Variants in NCOA2 observed in about 807,000 individuals in gnomAD.
The protein encoded by NCOA2 is nuclear receptor coactivator 2.
In NCOA2, 21 loss-of-function variants were observed where a neutral mutation model predicts 145.1. That is an observed-to-expected ratio of 0.14 (90% CI 0.10 to 0.21). The LOEUF (loss-of-function observed/expected upper bound fraction) is 0.21, where lower values mean the gene tolerates loss of function less well. Ranked by LOEUF, NCOA2 falls within the 10% of genes least tolerant of loss-of-function variation. NCOA2 has a pLI of 1.00. For missense variants in NCOA2, 1,472 were observed against 1,837.6 expected (o/e 0.80, Z 3.64); for synonymous variants, 619 against 637.5 (o/e 0.97, Z 0.44).
rs372363000 is a variant in NCOA2, at chr8:70,170,169, G to A, written c.541+33C>T. On this transcript the variant is annotated intron_variant, in intron 6 of 22. Transcript: ENST00000452400. The stretch of plus-strand genomic sequence containing the variant: ...TGAGGCAGGGCAGGTGGGGGTGACG[G>A]GAGGTAGGGAGGGAGACCCAGCAGA... 5.6e-6 allele frequency: 9 copies of A among 1,602,402 alleles called. No homozygotes were observed. In the African/African-American group the frequency reaches 1.1e-4, roughly 19 times the overall value.
chr8:70,392,066 A>G (rs1170868021), intron 1 of NCOA2, among the ~76,000 whole-genome samples: 1 of 152,216 alleles, frequency 6.6e-6, no homozygotes, highest in Non-Finnish European at 1.5e-5. Flanking sequence ...AAATTTATAC[A>G]GGGATTCACT....
chr8:70,184,517 G>A (rs144950697), intron 4 of NCOA2, among the ~76,000 whole-genome samples: 53 of 152,240 alleles, frequency 3.5e-4, no homozygotes, highest in African/African-American at 1.3e-3. Context: ...GTTAACAGCT[G>A]ATAGAGGAAA....
chr8:70,279,827 C>T (rs1041769519), intron 2 of NCOA2, among the ~76,000 whole-genome samples: 4 of 152,222 alleles, frequency 2.6e-5, no homozygotes, highest in South Asian at 4.1e-4. Context: ...TCTGCCATGA[C>T]GTAAGGTCCT....
the NCOA2 span, among the ~76,000 whole-genome samples, chr8:70,437,264 C>G: frequency 6.6e-6 from 1 of 152,216 alleles, no homozygotes; most frequent in African/African-American, 2.4e-5. Flanking sequence ...AGATCAAATC[C>G]TCTCACACAG....
chr8:70,111,897 T>A lies in NCOA2; in HGVS notation c.*1735A>T, dbSNP rs1806572128. 1 of 221,608 alleles carries A rather than the reference T, an allele frequency of 4.5e-6. No individual in the cohort carries two copies. The highest frequency in any genetic ancestry group is 9.0e-6 in the Non-Finnish European group (1 of 110,836). The allele number at this position is 221,608 out of a possible 1,614,324, so 13.7% of individuals were successfully genotyped here. ...TTTTTAGACATCAAAAAGATATCAT[T>A]CTGAAATTTAGGTAAGAAAGGTATT... On this transcript the variant is annotated 3_prime_UTR_variant, in exon 23 of 23. Coordinates refer to ENST00000452400, the MANE Select transcript of NCOA2 (RefSeq NM_006540.4).
chr8:70,147,048 T>C (rs1212748395), intron 12 of NCOA2, among the ~76,000 whole-genome samples: 6 of 152,142 alleles, frequency 3.9e-5, no homozygotes, highest in Non-Finnish European at 5.9e-5. Context: ...TCTCCCATGA[T>C]CCACAATTAA....
intron 1 of NCOA2, among the ~76,000 whole-genome samples, chr8:70,389,616 C>G (rs1310254810): frequency 6.6e-6 from 1 of 151,348 alleles, no homozygotes; most frequent in Non-Finnish European, 1.5e-5. Context: ...ACAATACATA[C>G]AGAATGACAA....
Position 70,156,351 on chromosome 8 carries a change from A to G in NCOA2, c.2014T>C (p.Leu672=), listed in dbSNP as rs1812288622. 1 of 1,613,902 alleles carries G rather than the reference A, an allele frequency of 6.2e-7. No individual in the cohort carries two copies. Among genetic ancestry groups the G allele is most frequent in the Non-Finnish European group, 8.5e-7 (1 of 1,179,866 alleles). The change falls in exon 11 of 23, where the codon TTG becomes CTG. Residue 672 remains leucine (L), a synonymous_variant. Coordinates refer to ENST00000452400, the MANE Select transcript of NCOA2 (RefSeq NM_006540.4). ...CCATGTGTAGACCCAGAACCAGGCA[A>G]GCTACCTGTGGAGTCTTTGTTTGTA... ...SDTNKDSTGS[L]PGSGSTHGTS...
rs1806659825 is a variant in NCOA2 at position 70,112,820 on chromosome 8, G to A, written c.*812C>T. 1.4e-5 allele frequency: 3 copies of A among 208,754 alleles called. No individual in the cohort carries two copies. Among genetic ancestry groups the A allele is most frequent in the African/African-American group, 6.8e-5 (3 of 43,886 alleles). 12.9% of individuals were successfully genotyped at this position (208,754 alleles called of 1,614,324 possible). On this transcript the variant is annotated 3_prime_UTR_variant, in exon 23 of 23. Coordinates refer to ENST00000452400, the MANE Select transcript of NCOA2 (RefSeq NM_006540.4). ...GAAGAGTCAGGCTGACAGGGAAGAA[G>A]AGATGCTGATTCAAGCTGTCTGATC...
At position 70,357,246 on chromosome 8, in the gene NCOA2, T is replaced by C. The variant is rs532766292; in HGVS notation, c.-77+46454A>G. The C allele has an allele frequency of 2.0e-5, 3 of 152,042 alleles. No homozygotes were observed. The South Asian group carries it at 6.2e-4, about 32-fold the overall frequency. The allele number at this position is 152,042 out of a possible 1,614,324, so 9.4% of individuals were successfully genotyped here. ...CAGCAATGAACAATCCAAAAAAAAT[T>C]AAGAAAATTCCATTTACCATAGCAT... On this transcript the variant is annotated intron_variant, in intron 1 of 22. Transcript: ENST00000452400.
chr8:70,440,140 C>T, the NCOA2 span, among the ~76,000 whole-genome samples: 1 of 152,090 alleles, frequency 6.6e-6, no homozygotes, highest in Non-Finnish European at 1.5e-5. Flanking sequence ...CAAAAATTAG[C>T]TGGGCATGGT....
chr8:70,163,373 T>A, intron 8 of NCOA2, 92 bp downstream of exon 8: 1 of 881,526 alleles, frequency 1.1e-6, no homozygotes. Flanking sequence ...AGTACTAGCA[T>A]CCTTACAGTC....
At chr8:70,403,837 T>G (rs1814619354), upstream of NCOA2, 1 of 388,884 alleles carries the variant, frequency 2.6e-6, no homozygotes, top group Non-Finnish European at 4.5e-6. Flanking sequence ...ATGGAGATCC[T>G]CCCCCAACTC....
chr8:70,188,020 C>T (rs992785286), intron 4 of NCOA2, among the ~76,000 whole-genome samples: 3 of 152,162 alleles, frequency 2.0e-5, no homozygotes, highest in Non-Finnish European at 4.4e-5. Context: ...TTTTGGAAAT[C>T]CTGCCTGCCA....
chr8:70,185,216 C>T (rs1815924222), intron 4 of NCOA2, among the ~76,000 whole-genome samples: 1 of 152,154 alleles, frequency 6.6e-6, no homozygotes, highest in South Asian at 2.1e-4. Flanking sequence ...CGTCTATTCC[C>T]AGTTCTCTCA....
chr8:70,210,137 C>G (rs1468074144), intron 4 of NCOA2, among the ~76,000 whole-genome samples: 1 of 152,190 alleles, frequency 6.6e-6, no homozygotes, highest in African/African-American at 2.4e-5. Flanking sequence ...TGTGACTTTG[C>G]CAGGCTACTT....
intron 9 of NCOA2, among the ~76,000 whole-genome samples, chr8:70,162,182 T>C (rs866025754): frequency 5.3e-5 from 8 of 152,160 alleles, no homozygotes; most frequent in African/African-American, 1.9e-4. Flanking sequence ...AGGGCTGCTG[T>C]TATTACTGAA....
At chr8:70,423,992 C>G in the NCOA2 span, 2 of 153,838 alleles carry the variant, frequency 1.3e-5, no homozygotes, top group Non-Finnish European at 2.9e-5. Flanking sequence ...CCTTAGCATA[C>G]AGCAGATAGT....
chr8:70,398,026 A>G (rs1813854194), intron 1 of NCOA2, among the ~76,000 whole-genome samples: 1 of 152,148 alleles, frequency 6.6e-6, no homozygotes, highest in Non-Finnish European at 1.5e-5. Context: ...CCCTTTAATT[A>G]CTGGCTCTGT....
Sources: gnomAD v4.1 joint callset for allele counts (sites outside exome capture counted in the v4.1 genomes callset) on GRCh38, gnomAD v4.1.1 for gene constraint, MANE v1.5 for transcripts, NCBI Gene and HGNC (gene_info 2026-07-23, HGNC 2026-07-21) for gene names.